CACNA1D: variants seen among roughly 807,000 people sequenced by gnomAD.
CACNA1D encodes voltage-dependent L-type calcium channel subunit alpha-1D.
Under a neutral mutation model 257.1 loss-of-function variants are expected in CACNA1D, and 55 were observed. The observed-to-expected ratio is 0.21, with a 90% CI of 0.17 to 0.27. CACNA1D has a LOEUF of 0.27. Ranked by LOEUF, CACNA1D falls within the 10% of genes least tolerant of loss-of-function variation. The pLI is 1.00. For synonymous variants in CACNA1D, 980 were observed against 1,014.9 expected, an observed-to-expected ratio of 0.97 and a Z score of 0.65; for missense variants, 1,876 against 2,784.0, an observed-to-expected ratio of 0.67 and a Z score of 7.34.
chr3:53,770,503 G>A lies in CACNA1D; in HGVS notation c.3995G>A (p.Arg1332Lys), dbSNP rs148194645. Reference protein sequence around the residue: ...RVMRLVKLLSRGEGIRTLLWT... With the variant: ...RVMRLVKLLSKGEGIRTLLWT... ...ATGCGATTGGTGAAGCTTCTCAGCA[G>A]GGGGGAAGGCATCCGGACATTGCTG... The change falls in exon 32 of 48, where the codon AGG (arginine) becomes AAG (lysine). Residue 1332 changes from arginine (R) to lysine (K), a missense_variant. Physicochemically the swap from Arg to Lys is conservative, Grantham distance 26. Transcript: ENST00000350061. The A allele has an allele frequency of 8.3e-5, 134 of 1,612,862 alleles. No homozygotes were observed. The highest frequency in any genetic ancestry group is 1.0e-4 in the Non-Finnish European group (118 of 1,178,974).
chr3:53,700,674 C>G (rs1314774501), intron 8 of CACNA1D, among the ~76,000 whole-genome samples: 1 of 152,070 alleles, frequency 6.6e-6, no homozygotes, highest in East Asian at 1.9e-4. Flanking sequence ...GAGCACGTGT[C>G]TGGGCTCAGA....
Position 53,798,251 on chromosome 3 carries a change from A to G in CACNA1D, c.4924-1998A>G, listed in dbSNP as rs570346210. Among the ~76,000 whole-genome samples, 13 of 152,280 alleles carry G rather than the reference A, an allele frequency of 8.5e-5. No individual in the cohort carries two copies. The South Asian group carries it at 2.3e-3, about 27-fold the overall frequency. ...CCACCTCAGAACCAAATGACTTCCC[A>G]GGCTCAGATGTGCTGAACTCGTGGA... On this transcript the variant is annotated intron_variant, in intron 40 of 47. Coordinates refer to ENST00000350061, the MANE Select transcript of CACNA1D (RefSeq NM_001128840.3).
At chr3:53,685,891 G>A (rs2094469850) in intron 8 of CACNA1D, among the ~76,000 whole-genome samples, 1 of 151,726 alleles carries the variant, frequency 6.6e-6, no homozygotes, top group African/African-American at 2.4e-5. Flanking sequence ...GACCAAATAA[G>A]TCCAAGGTAA....
In CACNA1D at chr3:53,721,817, A is replaced by G. The variant is rs561304493; in HGVS notation, c.1506-497A>G. ...TGAAAAGGTTCCCTTTAAAAAAAAA[A>G]AAACTAGCTTTGTAGCACTTTGCTG... On this transcript the variant is annotated intron_variant, in intron 11 of 47. Coordinates refer to ENST00000350061, the MANE Select transcript of CACNA1D (RefSeq NM_001128840.3). Among the ~76,000 whole-genome samples, 27 of 152,282 alleles carry G rather than the reference A, an allele frequency of 1.8e-4. 1 individual carries two copies. The highest frequency in any genetic ancestry group is 6.2e-4 in the South Asian group (3 of 4,822).
At chr3:53,682,365 T>TAAAAAAAAAAAACAAAAAAAAA (rs2094437885) in intron 8 of CACNA1D, among the ~76,000 whole-genome samples, 2 of 47,386 alleles carry the variant, frequency 4.2e-5, no homozygotes, top group Non-Finnish European at 7.4e-5. Context: ...TTGTCTCTGG[T>TAAAAAAAAAAAACAAAAAAAAA]AAAAAAAAAA....
chr3:53,780,187 A>G (rs2095418548), intron 38 of CACNA1D, 59 bp downstream of exon 38: 1 of 1,325,622 alleles, frequency 7.5e-7, no homozygotes, highest in African/African-American at 1.4e-5. Context: ...ATCACATCCC[A>G]TCTTGCCTTC....
At chr3:53,658,075 T>C (rs2094165954) in intron 4 of CACNA1D, among the ~76,000 whole-genome samples, 1 of 152,256 alleles carries the variant, frequency 6.6e-6, no homozygotes, top group African/African-American at 2.4e-5. Flanking sequence ...CTTCTGACTT[T>C]AGTCAGTTTA....
chr3:53,619,673 G>T (rs1490515116), intron 3 of CACNA1D, among the ~76,000 whole-genome samples: 1 of 152,156 alleles, frequency 6.6e-6, no homozygotes, highest in Non-Finnish European at 1.5e-5. Flanking sequence ...TGGGTAGGAG[G>T]GCCAGTAGAA....
Position 53,751,633 on chromosome 3 carries a change from GTCCACGGCCCC to G in CACNA1D, c.3517-114_3517-104del, listed in dbSNP as rs1416613104. 9.7e-7 allele frequency: 1 copy of G among 1,034,932 alleles called. No homozygotes were observed. The highest frequency in any genetic ancestry group is 1.5e-6 in the Non-Finnish European group (1 of 657,384). The allele number at this position is 1,034,932 out of a possible 1,614,324, so 64.1% of individuals were successfully genotyped here. On this transcript the variant is annotated intron_variant, in intron 27 of 47. Coordinates refer to ENST00000350061, the MANE Select transcript of CACNA1D (RefSeq NM_001128840.3). The surrounding 1 kb of genome is among the most constrained non-coding windows in gnomAD (Gnocchi z 4.3). Reference sequence around the variant, plus strand: ...GTCACTCGTAATCATTTTCACCATCGTCCACGGCCCCTTCCCGGGAGCTGTAGGGTGAGCTC... The same window carrying G: ...GTCACTCGTAATCATTTTCACCATCGTTCCCGGGAGCTGTAGGGTGAGCTC...
At chr3:53,533,691 A>G (rs1272093469) in intron 3 of CACNA1D, among the ~76,000 whole-genome samples, 1 of 152,152 alleles carries the variant, frequency 6.6e-6, no homozygotes, top group Admixed American at 6.5e-5. Flanking sequence ...CACGGCTGCT[A>G]TGGCCGTGGG....
At chr3:53,706,800 C>T (rs1250152930) in intron 9 of CACNA1D, among the ~76,000 whole-genome samples, 1 of 152,100 alleles carries the variant, frequency 6.6e-6, no homozygotes, top group African/African-American at 2.4e-5. Context: ...GTCTCCAATG[C>T]CTATTATTCC....
intron 29 of CACNA1D, among the ~76,000 whole-genome samples, chr3:53,760,979 A>T (rs2095298078): frequency 6.6e-6 from 1 of 152,230 alleles, no homozygotes; most frequent in Non-Finnish European, 1.5e-5. Context: ...TTCAGCCATC[A>T]GTACGTAAGA....
chr3:53,719,929 C>A, intron 11 of CACNA1D, 148 bp downstream of exon 11: 1 of 829,096 alleles, frequency 1.2e-6, no homozygotes, highest in Non-Finnish European at 2.1e-6. Context: ...CAATTGAATC[C>A]TATGAGCCTG....
At chr3:53,510,602 G>A (rs1384040450) in intron 3 of CACNA1D, among the ~76,000 whole-genome samples, 1 of 152,134 alleles carries the variant, frequency 6.6e-6, no homozygotes, top group Non-Finnish European at 1.5e-5. Flanking sequence ...CGGGTTGGAG[G>A]GTATGTGCGT....
chr3:53,797,025 A>C (rs2106720807), intron 40 of CACNA1D, among the ~76,000 whole-genome samples: 1 of 152,344 alleles, frequency 6.6e-6, no homozygotes, highest in East Asian at 1.9e-4. Context: ...GATATGAGAT[A>C]TGAAAGAATA....
intron 3 of CACNA1D, among the ~76,000 whole-genome samples, chr3:53,594,006 T>C (rs2093340488): frequency 6.6e-6 from 1 of 152,110 alleles, no homozygotes; most frequent in South Asian, 2.1e-4. Context: ...GGTGAAGTCT[T>C]AGAAGAAGGA....
intron 43 of CACNA1D, among the ~76,000 whole-genome samples, chr3:53,803,082 G>A (rs2095544177): frequency 6.6e-6 from 1 of 152,088 alleles, no homozygotes; most frequent in African/African-American, 2.4e-5. Flanking sequence ...CAGATGCCCT[G>A]GGAACCCAGG....
intron 30 of CACNA1D, among the ~76,000 whole-genome samples, chr3:53,767,438 C>T (rs971605332): frequency 2.0e-5 from 3 of 151,804 alleles, no homozygotes; most frequent in East Asian, 1.9e-4. Context: ...TGGTGGCGGG[C>T]GCCTGTTATC....
chr3:53,582,208 G>A (rs868287328), intron 3 of CACNA1D, among the ~76,000 whole-genome samples: 3 of 151,910 alleles, frequency 2.0e-5, no homozygotes, highest in East Asian at 1.9e-4. Context: ...CTCCCTTTTT[G>A]TGGTGTCTTA....
Sources: allele counts gnomAD v4.1 joint callset (sites outside exome capture counted in the v4.1 genomes callset), GRCh38; gene constraint gnomAD v4.1.1; non-coding constraint Gnocchi (gnomAD v3.1); transcripts MANE v1.5; gene names NCBI Gene and HGNC (gene_info 2026-07-23, HGNC 2026-07-21).